The following CNTN5 variants were observed in gnomAD, a reference collection of about 807,000 sequenced individuals.
The protein encoded by CNTN5 is contactin-5.
Under a neutral mutation model 129.1 loss-of-function variants are expected in CNTN5, and 77 were observed. The ratio of observed to expected loss-of-function variants is 0.60; its 90% CI spans 0.50 to 0.72. The LOEUF (loss-of-function observed/expected upper bound fraction) is 0.72. Among genes scored for constraint, CNTN5 ranks in the 30% least tolerant of loss-of-function variants. The pLI, the probability that CNTN5 is intolerant of heterozygous loss-of-function variation, is 0.00. For missense variants in CNTN5, 1,478 were observed against 1,328.8 expected (o/e 1.11, Z -1.75); for synonymous variants, 509 against 465.6 (o/e 1.09, Z -1.20).
chr11:99,297,361 G>C (rs1864434569), intron 1 of CNTN5, among the ~76,000 whole-genome samples: 1 of 152,088 alleles, frequency 6.6e-6, no homozygotes, highest in African/African-American at 2.4e-5. Flanking sequence ...TCCCCTTTTA[G>C]GGAGGAAAAG....
chr11:99,944,604 T>A (rs1315013203), intron 7 of CNTN5, among the ~76,000 whole-genome samples: 1 of 151,996 alleles, frequency 6.6e-6, no homozygotes, highest in Non-Finnish European at 1.5e-5. Context: ...GATTGTATAT[T>A]TAGAAAACCT....
intron 13 of CNTN5, among the ~76,000 whole-genome samples, chr11:100,137,649 A>T (rs754234720): frequency 6.6e-6 from 1 of 152,102 alleles, no homozygotes; most frequent in African/African-American, 2.4e-5. Context: ...CAAAACCTGG[A>T]ATCTAGTCAC....
In CNTN5 at chr11:99,105,694, A is replaced by G. The variant is rs17133005; in HGVS notation, c.-210+84424A>G. Among the ~76,000 whole-genome samples, 702 of 152,294 alleles carry G rather than the reference A, an allele frequency of 4.6e-3. 6 individuals carry two copies. The highest frequency in any genetic ancestry group is 0.016 in the African/African-American group (658 of 41,580). ...TATGGGCAGTCAAGAGCCCACTTCC[A>G]GGATAATAGAAGTAGTAGGAAAACC... On this transcript the variant is annotated intron_variant, in intron 1 of 24. Transcript: ENST00000524871.
chr11:99,229,814 T>C (rs970553001), intron 1 of CNTN5, among the ~76,000 whole-genome samples: 1 of 152,024 alleles, frequency 6.6e-6, no homozygotes, highest in Non-Finnish European at 1.5e-5. Context: ...GCCTTAATAG[T>C]CTTAATGGTC....
intron 9 of CNTN5, among the ~76,000 whole-genome samples, chr11:100,013,233 G>C (rs1051259163): frequency 6.6e-6 from 1 of 151,988 alleles, no homozygotes. Flanking sequence ...TACTTAATGG[G>C]TATAAGGTAC....
chr11:100,258,122 C>T (rs1028696867), intron 17 of CNTN5, among the ~76,000 whole-genome samples: 11 of 152,020 alleles, frequency 7.2e-5, no homozygotes, highest in African/African-American at 1.7e-4. Flanking sequence ...AAACACAGCA[C>T]GAGGACTTTG....
intron 3 of CNTN5, among the ~76,000 whole-genome samples, chr11:99,713,981 T>C (rs998647475): frequency 1.3e-5 from 2 of 151,930 alleles, no homozygotes; most frequent in African/African-American, 2.4e-5. Context: ...ATGCATGGCA[T>C]TGAAATTTTC....
intron 3 of CNTN5, among the ~76,000 whole-genome samples, chr11:99,723,557 CTG>C (rs1279963532): frequency 2.6e-5 from 4 of 152,280 alleles, no homozygotes; most frequent in Admixed American, 6.5e-5. Context: ...CATTTATACT[CTG>C]TTTTATTTTT....
At chr11:99,892,495 AT>A (rs1397904959) in intron 6 of CNTN5, among the ~76,000 whole-genome samples, 2 of 152,088 alleles carry the variant, frequency 1.3e-5, no homozygotes, top group Non-Finnish European at 2.9e-5. Flanking sequence ...TCGTGAGTTA[AT>A]TTTTGTATAA....
Position 99,638,966 on chromosome 11 carries a change from C to G in CNTN5, c.55+82697C>G, listed in dbSNP as rs181308334. Among the ~76,000 whole-genome samples the G allele has an allele frequency of 6.9e-3, 1,052 of 152,254 alleles. 11 individuals carry two copies. The highest frequency in any genetic ancestry group is 7.3e-3 in the Non-Finnish European group (494 of 68,006). ...CCAGTAGGGACTTTGTGAAGGGGCT[C>G]CAACCCCACATTTCCATCTGTACTG... On this transcript the variant is annotated intron_variant, in intron 3 of 24. Transcript: ENST00000524871.
intron 3 of CNTN5, among the ~76,000 whole-genome samples, chr11:99,784,759 T>G (rs1181039260): frequency 1.3e-5 from 2 of 151,210 alleles, no homozygotes; most frequent in African/African-American, 4.9e-5. Flanking sequence ...TTTTAATGAT[T>G]GCCATTCTAA....
intron 2 of CNTN5, among the ~76,000 whole-genome samples, chr11:99,480,029 A>G (rs1945531062): frequency 1.3e-5 from 2 of 152,158 alleles, no homozygotes; most frequent in Admixed American, 1.3e-4. Flanking sequence ...AAGTAGAGAT[A>G]CAAAATATAG....
At chr11:100,175,802 A>G (rs1013332614) in intron 13 of CNTN5, among the ~76,000 whole-genome samples, 7 of 152,142 alleles carry the variant, frequency 4.6e-5, no homozygotes, top group African/African-American at 1.2e-4. Flanking sequence ...GTTGGGAAGA[A>G]AAGTAGTATG....
chr11:100,264,539 C>T (rs1447117924), intron 17 of CNTN5, among the ~76,000 whole-genome samples: 1 of 152,084 alleles, frequency 6.6e-6, no homozygotes, highest in African/African-American at 2.4e-5. Flanking sequence ...GTTTCATCCA[C>T]GTCCTGGCAA....
At chr11:100,194,731 T>C (rs911206615) in intron 15 of CNTN5, among the ~76,000 whole-genome samples, 8 of 152,020 alleles carry the variant, frequency 5.3e-5, no homozygotes, top group African/African-American at 1.4e-4. Context: ...TCTGGAGAAA[T>C]CAAAGTGAAA....
At chr11:99,702,764 C>T (rs1277301941) in intron 3 of CNTN5, among the ~76,000 whole-genome samples, 2 of 150,820 alleles carry the variant, frequency 1.3e-5, no homozygotes, top group Non-Finnish European at 3.0e-5. Context: ...ATTCAGGAAT[C>T]CTCCAGAAGA....
chr11:99,609,639 A>G (rs927730036), intron 3 of CNTN5, among the ~76,000 whole-genome samples: 3 of 152,278 alleles, frequency 2.0e-5, no homozygotes, highest in South Asian at 2.1e-4. Flanking sequence ...CATCAGGAAC[A>G]TAGGAACAGA....
rs116957071 is a variant in CNTN5, at chr11:99,601,963, C to A, written c.55+45694C>A. On this transcript the variant is annotated intron_variant, in intron 3 of 24. Transcript: ENST00000524871. The stretch of plus-strand genomic sequence containing the variant: ...ATCTACAAAATGCATAACCATTTTA[C>A]CTATATACTATATATACCTATATAC... 4.2e-3 allele frequency among the ~76,000 whole-genome samples: 636 copies of A among 152,220 alleles called. 25 individuals carry two copies. In the East Asian group the frequency reaches 0.1, roughly 24 times the overall value.
intron 9 of CNTN5, among the ~76,000 whole-genome samples, chr11:100,040,680 C>T (rs564086628): frequency 9.2e-5 from 14 of 152,216 alleles, no homozygotes; most frequent in Admixed American, 2.0e-4. Context: ...CAATGGTGGG[C>T]GCCCCTCCCC....
Sources: allele counts gnomAD v4.1 joint callset (sites outside exome capture counted in the v4.1 genomes callset), GRCh38; gene constraint gnomAD v4.1.1; transcripts MANE v1.5; gene names NCBI Gene and HGNC (gene_info 2026-07-23, HGNC 2026-07-21).